NKAIN2: variants seen among roughly 807,000 people sequenced by gnomAD.
NKAIN2 encodes the protein sodium/potassium-transporting ATPase subunit beta-1-interacting protein 2.
A neutral mutation model predicts 32.6 loss-of-function variants in NKAIN2; 14 were observed. That is an observed-to-expected ratio of 0.43 (90% CI 0.28 to 0.67). NKAIN2 has a LOEUF of 0.67. NKAIN2 is among the 30% of genes least tolerant of loss of function. The pLI is 0.17. For synonymous variants in NKAIN2, 80 were observed against 87.2 expected (o/e 0.92, Z 0.46); for missense variants, 198 against 258.3 (o/e 0.77, Z 1.60).
chr6:124,624,144 T>A (rs1783212970), intron 3 of NKAIN2, among the ~76,000 whole-genome samples: 1 of 152,130 alleles, frequency 6.6e-6, no homozygotes. Context: ...CCTGGGACCC[T>A]TATGTTAAGT....
At chr6:124,295,781 A>T (rs143071726) in intron 2 of NKAIN2, among the ~76,000 whole-genome samples, 2 of 152,130 alleles carry the variant, frequency 1.3e-5, no homozygotes, top group African/African-American at 4.8e-5. Context: ...GAACTAAAAC[A>T]TCTATAATGC....
At chr6:124,540,641 A>C (rs1293784933) in intron 3 of NKAIN2, among the ~76,000 whole-genome samples, 1 of 152,060 alleles carries the variant, frequency 6.6e-6, no homozygotes, top group African/African-American at 2.4e-5. Context: ...TGGGATAAGA[A>C]TATACAGACA....
chr6:124,803,616 G>A (rs1301787201), intron 5 of NKAIN2, among the ~76,000 whole-genome samples: 1 of 152,084 alleles, frequency 6.6e-6, no homozygotes, highest in African/African-American at 2.4e-5. Context: ...CCTGTTGCTT[G>A]TCCAATCACA....
intron 2 of NKAIN2, among the ~76,000 whole-genome samples, chr6:124,293,223 A>G (rs73773714): frequency 0.029 from 4,463 of 152,128 alleles, 221 homozygotes; most frequent in African/African-American, 0.1. Context: ...TCTCTTTAAA[A>G]TTTTTGGATG....
chr6:124,221,094 G>C lies in NKAIN2; in HGVS notation c.55-61911G>C, dbSNP rs185024679. Among the ~76,000 whole-genome samples, 728 of 151,894 alleles carry C rather than the reference G, an allele frequency of 4.8e-3. 7 individuals carry two copies. Among genetic ancestry groups the C allele is most frequent in the Non-Finnish European group, 5.8e-3 (395 of 67,970 alleles). On this transcript the variant is annotated intron_variant, in intron 1 of 6. Transcript: ENST00000368417. ...GGACTGTAAATCATGCTGCTATAAA[G>C]ACACATGCACACGTATGTTTATTGC... is the stretch of plus-strand genomic sequence containing the variant.
At chr6:124,308,020 A>C (rs750867176) in intron 2 of NKAIN2, among the ~76,000 whole-genome samples, 4 of 151,760 alleles carry the variant, frequency 2.6e-5, no homozygotes, top group Non-Finnish European at 5.9e-5. Context: ...CATGTGTAGA[A>C]CGTGTAGGTT....
At chr6:124,430,349 C>A (rs1311594648) in intron 3 of NKAIN2, among the ~76,000 whole-genome samples, 2 of 152,144 alleles carry the variant, frequency 1.3e-5, no homozygotes, top group Admixed American at 1.3e-4. Context: ...AAGCTATCCC[C>A]AAATTCCAAA....
intron 1 of NKAIN2, among the ~76,000 whole-genome samples, chr6:123,836,642 CA>C (rs112403636): frequency 2.5e-4 from 36 of 146,756 alleles, no homozygotes; most frequent in African/African-American, 5.6e-4. Flanking sequence ...CATCCTGGAC[CA>C]AAAAAAAAAG....
intron 1 of NKAIN2, among the ~76,000 whole-genome samples, chr6:124,211,817 A>AT (rs1791191833): frequency 6.6e-6 from 1 of 152,078 alleles, no homozygotes; most frequent in African/African-American, 2.4e-5. Context: ...AAAAAGTTAA[A>AT]AGTCGAAAAT....
At chr6:124,710,827 T>G (rs1312497401) in intron 4 of NKAIN2, among the ~76,000 whole-genome samples, 2 of 150,468 alleles carry the variant, frequency 1.3e-5, no homozygotes, top group East Asian at 3.9e-4. Flanking sequence ...TTAGTCCATT[T>G]ACATTTAAAG....
chr6:123,850,186 G>A (rs1345209298), intron 1 of NKAIN2, among the ~76,000 whole-genome samples: 1 of 151,070 alleles, frequency 6.6e-6, no homozygotes, highest in African/African-American at 2.4e-5. Context: ...TCTCTCTCCT[G>A]GTGCTCATTT....
chr6:123,834,819 T>C (rs1235155389), intron 1 of NKAIN2, among the ~76,000 whole-genome samples: 1 of 152,168 alleles, frequency 6.6e-6, no homozygotes, highest in African/African-American at 2.4e-5. Context: ...CGTGTACTGA[T>C]ATGATCATTT....
chr6:124,170,064 A>G (rs1286071219), intron 1 of NKAIN2, among the ~76,000 whole-genome samples: 1 of 152,094 alleles, frequency 6.6e-6, no homozygotes, highest in East Asian at 1.9e-4. Context: ...GATGCAAACC[A>G]TTTTCTGAGT....
At chr6:124,035,765 A>C (rs919842190) in intron 1 of NKAIN2, among the ~76,000 whole-genome samples, 2 of 152,124 alleles carry the variant, frequency 1.3e-5, no homozygotes, top group African/African-American at 2.4e-5. Flanking sequence ...TTTCAAAGTA[A>C]TATTAAAACA....
intron 3 of NKAIN2, among the ~76,000 whole-genome samples, chr6:124,546,864 A>C (rs1780112755): frequency 6.6e-6 from 1 of 152,184 alleles, no homozygotes; most frequent in African/African-American, 2.4e-5. Context: ...CAGAGAGATA[A>C]ACAGAGAGAA....
At chr6:124,253,041 G>A (rs1793756881) in intron 1 of NKAIN2, among the ~76,000 whole-genome samples, 1 of 152,112 alleles carries the variant, frequency 6.6e-6, no homozygotes, top group Non-Finnish European at 1.5e-5. Flanking sequence ...AAAATACCAA[G>A]TGGTACCTGG....
chr6:124,294,755 G>A (rs1348144807), intron 2 of NKAIN2, among the ~76,000 whole-genome samples: 1 of 152,070 alleles, frequency 6.6e-6, no homozygotes. Flanking sequence ...TGTTGTATTT[G>A]TAGATGTCTT....
intron 5 of NKAIN2, among the ~76,000 whole-genome samples, chr6:124,802,455 ATGG>A (rs1358562981): frequency 1.6e-4 from 25 of 152,360 alleles, no homozygotes; most frequent in African/African-American, 6.0e-4. Context: ...TCCAAATGGC[ATGG>A]CACAAAGTGA....
chr6:124,382,330 A>G (rs998368464), intron 3 of NKAIN2, among the ~76,000 whole-genome samples: 1 of 152,166 alleles, frequency 6.6e-6, no homozygotes, highest in African/African-American at 2.4e-5. Flanking sequence ...TCATTTTCCA[A>G]CTTTTCTCTT....
Sources: allele counts gnomAD v4.1 joint callset (sites outside exome capture counted in the v4.1 genomes callset), GRCh38; gene constraint gnomAD v4.1.1; transcripts MANE v1.5; gene names NCBI Gene and HGNC (gene_info 2026-07-23, HGNC 2026-07-21).